FGF14: variants seen among roughly 807,000 people sequenced by gnomAD.
FGF14 encodes the protein fibroblast growth factor homologous factor 4.
In FGF14, 5 loss-of-function variants were observed where a neutral mutation model predicts 25.5. The observed-to-expected ratio is 0.20, with a 90% confidence interval of 0.10 to 0.41. The LOEUF (loss-of-function observed/expected upper bound fraction) is 0.41. Among genes scored for constraint, FGF14 ranks in the 10% least tolerant of loss-of-function variants. The pLI is 1.00. For synonymous variants in FGF14, 138 were observed against 118.3 expected (o/e 1.17, Z -1.08); for missense variants, 222 against 320.1 (o/e 0.69, Z 2.34).
At chr13:102,389,020 C>G (rs1415074643) in intron 1 of FGF14, among the ~76,000 whole-genome samples, 1 of 152,146 alleles carries the variant, frequency 6.6e-6, no homozygotes, top group Non-Finnish European at 1.5e-5. Context: ...CACATTACTC[C>G]TCTTGCCAAG....
intron 3 of FGF14, among the ~76,000 whole-genome samples, chr13:101,863,518 T>C (rs1363459320): frequency 1.3e-5 from 2 of 152,080 alleles, no homozygotes. Context: ...TCTGAGTAAA[T>C]AGTGAACATT....
chr13:102,339,610 A>G (rs2056891142), intron 1 of FGF14, among the ~76,000 whole-genome samples: 1 of 152,186 alleles, frequency 6.6e-6, no homozygotes, highest in Non-Finnish European at 1.5e-5. Flanking sequence ...GAAAGTTAGA[A>G]TCGAATGCAG....
intron 3 of FGF14, among the ~76,000 whole-genome samples, chr13:101,826,683 G>T (rs949819307): frequency 1.3e-5 from 2 of 151,980 alleles, no homozygotes; most frequent in African/African-American, 4.8e-5. Flanking sequence ...ATAATTTGAT[G>T]CCAGATAAAT....
chr13:101,955,728 A>G (rs976888489), intron 1 of FGF14, among the ~76,000 whole-genome samples: 1 of 152,346 alleles, frequency 6.6e-6, no homozygotes, highest in Non-Finnish European at 1.5e-5. Flanking sequence ...CTATGGTAAC[A>G]TTTATGTTTC....
At chr13:101,961,654 A>G (rs1594838900) in intron 1 of FGF14, among the ~76,000 whole-genome samples, 1 of 152,048 alleles carries the variant, frequency 6.6e-6, no homozygotes, top group East Asian at 1.9e-4. Context: ...GGGGACGGTT[A>G]CCTCCATGCT....
Position 101,711,930 on chromosome 13 carries a change from G to C in FGF14, c.*10901C>G, listed in dbSNP as rs1349644903. ...TCTCTGGCTAGGCTGGGTCTCAGGG[G>C]TGTGAGTGGGTCTTGGCCAGCTGAG... is the stretch of plus-strand genomic sequence containing the variant. On this transcript the variant is annotated 3_prime_UTR_variant, in exon 5 of 5. Transcript: ENST00000376143. 6.6e-6 allele frequency: 1 copy of C among 152,314 alleles called. No homozygotes were observed. The allele number at this position is 152,314 out of a possible 1,614,324, so 9.4% of individuals were successfully genotyped here. A position where few individuals can be genotyped will look rare whatever the true frequency, so the allele number is the denominator to read the frequency against.
chr13:102,010,448 T>A (rs2139797059), intron 1 of FGF14, among the ~76,000 whole-genome samples: 1 of 152,180 alleles, frequency 6.6e-6, no homozygotes, highest in Middle Eastern at 3.4e-3. Context: ...ACTAATCAAC[T>A]TTGCCCAGAA....
chr13:102,155,743 A>G (rs2047303335), intron 1 of FGF14, among the ~76,000 whole-genome samples: 1 of 152,140 alleles, frequency 6.6e-6, no homozygotes, highest in Non-Finnish European at 1.5e-5. Context: ...TTAAAAGATC[A>G]ACAAAATTGA....
intron 1 of FGF14, among the ~76,000 whole-genome samples, chr13:101,897,377 G>A (rs1443026639): frequency 1.3e-5 from 2 of 152,286 alleles, no homozygotes; most frequent in Non-Finnish European, 2.9e-5. Flanking sequence ...TGCAAATAGA[G>A]GTCTATTTGG....
At chr13:102,080,400 G>T (rs1367783884) in intron 1 of FGF14, among the ~76,000 whole-genome samples, 1 of 152,152 alleles carries the variant, frequency 6.6e-6, no homozygotes, top group Non-Finnish European at 1.5e-5. Flanking sequence ...GCTGCAGTTT[G>T]CTTAGAGAAG....
At chr13:102,024,198 G>A (rs1258715492) in intron 1 of FGF14, among the ~76,000 whole-genome samples, 1 of 152,040 alleles carries the variant, frequency 6.6e-6, no homozygotes, top group African/African-American at 2.4e-5. Context: ...TTAAAGAACT[G>A]TATGTGTTTT....
chr13:101,798,447 T>C (rs1009058083), intron 3 of FGF14, among the ~76,000 whole-genome samples: 10 of 152,080 alleles, frequency 6.6e-5, no homozygotes, highest in Non-Finnish European at 1.0e-4. Context: ...ATTATGTTGA[T>C]CATAAACAGG....
chr13:102,104,360 C>T (rs577498296), intron 1 of FGF14, among the ~76,000 whole-genome samples: 2 of 152,182 alleles, frequency 1.3e-5, no homozygotes, highest in Non-Finnish European at 2.9e-5. Flanking sequence ...TCATTTTGTA[C>T]ATAAGAACAC....
At chr13:102,249,549 GGTGTGTGTGTGT>G (rs55773652) in intron 1 of FGF14, among the ~76,000 whole-genome samples, 29 of 150,296 alleles carry the variant, frequency 1.9e-4, no homozygotes, top group African/African-American at 6.6e-4. Context: ...TACTGAGAGG[GGTGTGTGTGTGT>G]GTGTGTGTGT....
intron 3 of FGF14, among the ~76,000 whole-genome samples, chr13:101,808,785 G>T (rs1265239847): frequency 6.6e-6 from 1 of 151,962 alleles, no homozygotes; most frequent in Admixed American, 6.6e-5. Flanking sequence ...AATGAGGTTG[G>T]CAATGTCTAG....
intron 1 of FGF14, among the ~76,000 whole-genome samples, chr13:101,902,237 G>A (rs2031657508): frequency 6.6e-6 from 1 of 151,992 alleles, no homozygotes; most frequent in Non-Finnish European, 1.5e-5. Flanking sequence ...CATTTTAGAG[G>A]TTTATCGCTC....
chr13:102,049,521 A>T (rs1346868376), intron 1 of FGF14, among the ~76,000 whole-genome samples: 1 of 152,182 alleles, frequency 6.6e-6, no homozygotes, highest in Non-Finnish European at 1.5e-5. Context: ...AATCATCATT[A>T]AATAAACATT....
intron 1 of FGF14, among the ~76,000 whole-genome samples, chr13:102,291,786 G>A (rs1351018071): frequency 6.6e-6 from 1 of 152,114 alleles, no homozygotes; most frequent in Non-Finnish European, 1.5e-5. Context: ...GTCCCAGGAA[G>A]GTGTCTGCAC....
intron 1 of FGF14, among the ~76,000 whole-genome samples, chr13:102,199,833 T>C (rs2049533249): frequency 1.3e-5 from 2 of 152,204 alleles, no homozygotes; most frequent in South Asian, 4.1e-4. Flanking sequence ...TTAGAGCGTG[T>C]TTCTCTCCCT....
Sources: gnomAD v4.1 joint callset for allele counts (sites outside exome capture counted in the v4.1 genomes callset) on GRCh38, gnomAD v4.1.1 for gene constraint, MANE v1.5 for transcripts, NCBI Gene and HGNC (gene_info 2026-07-23, HGNC 2026-07-21) for gene names.